The following CNTNAP3 variants were observed in gnomAD, a reference collection of about 807,000 sequenced individuals.
CNTNAP3 encodes the protein contactin-associated protein-like 3.
CNTNAP3 carries 36 observed loss-of-function variants against 92.1 expected under a neutral mutation model. The observed-to-expected ratio is 0.39, with a 90% CI of 0.30 to 0.52. The LOEUF is 0.52. CNTNAP3 is among the 20% of genes least tolerant of loss of function. The pLI is 0.76. For missense variants in CNTNAP3, 534 were observed against 1,069.6 expected (o/e 0.50, Z 6.98); for synonymous variants, 232 against 422.3 (o/e 0.55, Z 5.53).
At chr9:39,134,693 G>A (rs1821386291) in intron 12 of CNTNAP3, among the ~76,000 whole-genome samples, 1 of 152,224 alleles carries the variant, frequency 6.6e-6, no homozygotes, top group South Asian at 2.1e-4. Flanking sequence ...CTCCCAAAGT[G>A]CTGGGATTAC....
intron 13 of CNTNAP3, among the ~76,000 whole-genome samples, chr9:39,119,124 A>G (rs1326703746): frequency 1.3e-5 from 2 of 152,188 alleles, no homozygotes; most frequent in African/African-American, 4.8e-5. Flanking sequence ...CAGTCATCAC[A>G]GATGAGGCCA....
intron 9 of CNTNAP3, among the ~76,000 whole-genome samples, chr9:39,161,785 G>A (rs571087761): frequency 1.6e-4 from 20 of 123,406 alleles, no homozygotes; most frequent in Non-Finnish European, 2.8e-4. Context: ...GGAGGTTGAG[G>A]CTGTATCGTG....
intron 16 of CNTNAP3, among the ~76,000 whole-genome samples, chr9:39,103,056 C>A (rs554023231): frequency 4.6e-5 from 7 of 151,980 alleles, no homozygotes; most frequent in African/African-American, 9.7e-5. Context: ...TATTTACAAA[C>A]GGCTCAAAGT....
At chr9:39,120,030 T>C (rs561767352) in intron 13 of CNTNAP3, among the ~76,000 whole-genome samples, 9 of 151,968 alleles carry the variant, frequency 5.9e-5, no homozygotes, top group African/African-American at 2.2e-4. Context: ...GCTGAAAGAG[T>C]ACTGAAAAAA....
intron 14 of CNTNAP3, chr9:39,117,870 T>G (rs1323793551): frequency 2.1e-6 from 2 of 933,178 alleles, no homozygotes. Flanking sequence ...GCTGTTTCTC[T>G]TTTACGAAAA....
intron 13 of CNTNAP3, among the ~76,000 whole-genome samples, chr9:39,124,805 G>A (rs1821118072): frequency 6.6e-6 from 1 of 152,164 alleles, no homozygotes; most frequent in Non-Finnish European, 1.5e-5. Context: ...AAACTACAAT[G>A]AGATACCATT....
chr9:39,140,542 A>C lies in CNTNAP3; in HGVS notation c.1853T>G (p.Phe618Cys). ...DADGSGPLGP[F>C]LVYCNMTADA... is the part of the protein sequence containing the mutation. Reference sequence around the variant, plus strand: ...ACCTGTCATATTGCAGTACACAAGAAATGGTCCCAGGGGGCCACTTCCATC... The same window carrying C: ...ACCTGTCATATTGCAGTACACAAGACATGGTCCCAGGGGGCCACTTCCATC... The change falls in exon 12 of 24, where the codon TTT becomes TGT. Residue 618 changes from phenylalanine (F) to cysteine (C), a missense_variant. Phe to Cys is a radical substitution (Grantham distance 205). Coordinates refer to ENST00000297668, the MANE Select transcript of CNTNAP3 (RefSeq NM_033655.5). 1 of 1,613,820 alleles carries C rather than the reference A, an allele frequency of 6.2e-7. No individual in the cohort carries two copies. The highest frequency in any genetic ancestry group is 8.5e-7 in the Non-Finnish European group (1 of 1,179,808).
chr9:39,117,948 G>A (rs1266293678), intron 14 of CNTNAP3, 155 bp downstream of exon 14: 2 of 1,391,008 alleles, frequency 1.4e-6, no homozygotes, highest in Non-Finnish European at 2.0e-6. Context: ...TTAATCCTTA[G>A]ATTAACTGAT....
chr9:39,164,738 C>A (rs1822138136), intron 9 of CNTNAP3, among the ~76,000 whole-genome samples: 1 of 136,062 alleles, frequency 7.3e-6, no homozygotes, highest in Non-Finnish European at 1.6e-5. Context: ...TACAGGCATC[C>A]ATGCCCCCAA....
chr9:39,092,958 A>G (rs2315470), intron 18 of CNTNAP3, among the ~76,000 whole-genome samples: 2 of 144,570 alleles, frequency 1.4e-5, no homozygotes, highest in Non-Finnish European at 3.1e-5. Flanking sequence ...TATCATTATA[A>G]AAGTTTCCCT....
chr9:39,146,876 T>C (rs1328396054), intron 10 of CNTNAP3, among the ~76,000 whole-genome samples: 1 of 152,174 alleles, frequency 6.6e-6, no homozygotes, highest in Admixed American at 6.5e-5. Context: ...GTAACATATG[T>C]TTCTACTTTG....
intron 13 of CNTNAP3, among the ~76,000 whole-genome samples, chr9:39,128,536 T>C (rs1821202025): frequency 6.6e-6 from 1 of 151,640 alleles, no homozygotes; most frequent in African/African-American, 2.4e-5. Context: ...AAATAAAAAC[T>C]GTCAGCCAAC....
At position 39,068,658 on chromosome 9, in the gene CNTNAP3, C is replaced by T. The variant is rs1825566808; in HGVS notation, c.*5232G>A. ...GTTTTCTCCAATGCAGCTCTTTCCT[C>T]GCCGGTACTCTATCCTGCAATCTCT... On this transcript the variant is annotated 3_prime_UTR_variant, in exon 24 of 24. Transcript: ENST00000297668. Among the ~76,000 whole-genome samples, 2 of 152,308 alleles carry T rather than the reference C, an allele frequency of 1.3e-5. No individual in the cohort carries two copies. Among genetic ancestry groups the T allele is most frequent in the Non-Finnish European group, 2.9e-5 (2 of 68,056 alleles).
At chr9:39,161,790 A>G (rs1822078831) in intron 9 of CNTNAP3, among the ~76,000 whole-genome samples, 1 of 122,008 alleles carries the variant, frequency 8.2e-6, no homozygotes. Context: ...TTGAGGCTGT[A>G]TCGTGTCATT....
At chr9:39,095,041 GTCTT>G (rs147539595) in intron 18 of CNTNAP3, among the ~76,000 whole-genome samples, 34,822 of 150,462 alleles carry the variant, frequency 0.23, 4,284 homozygotes, top group East Asian at 0.38. Context: ...CAATGTCTAA[GTCTT>G]TCACTTTCTC....
intron 23 of CNTNAP3, among the ~76,000 whole-genome samples, chr9:39,076,328 G>A (rs548700374): frequency 2.6e-5 from 4 of 152,424 alleles, no homozygotes; most frequent in African/African-American, 9.6e-5. Flanking sequence ...CTTTTGCATT[G>A]CAATGAAAAA....
At chr9:39,086,103 G>C in intron 20 of CNTNAP3, 1 of 513,306 alleles carries the variant, frequency 1.9e-6, no homozygotes, top group African/African-American at 1.9e-5. Context: ...CAGAATCCAT[G>C]AAAAAGATGG....
intron 10 of CNTNAP3, among the ~76,000 whole-genome samples, chr9:39,145,087 G>T (rs1279853773): frequency 7.2e-6 from 1 of 139,508 alleles, no homozygotes; most frequent in Non-Finnish European, 1.6e-5. Flanking sequence ...GGAATCTGCT[G>T]CCGCCCACTA....
intron 9 of CNTNAP3, among the ~76,000 whole-genome samples, chr9:39,151,801 AAAG>A (rs769519335): frequency 4.7e-5 from 7 of 147,644 alleles, no homozygotes; most frequent in East Asian, 2.0e-4. Flanking sequence ...TTATTTTAAA[AAAG>A]AAGCCTGCTT....
Sources: gnomAD v4.1 joint callset for allele counts (sites outside exome capture counted in the v4.1 genomes callset) on GRCh38, gnomAD v4.1.1 for gene constraint, MANE v1.5 for transcripts, NCBI Gene and HGNC (gene_info 2026-07-23, HGNC 2026-07-21) for gene names.